SLC24A2: variants seen among roughly 807,000 people sequenced by gnomAD.
SLC24A2 encodes the protein solute carrier family 24 member 2.
Under a neutral mutation model 62.0 loss-of-function variants are expected in SLC24A2, and 36 were observed. The ratio of observed to expected loss-of-function variants is 0.58; its 90% CI spans 0.44 to 0.77. SLC24A2 has a LOEUF of 0.77. Ranked by LOEUF, SLC24A2 falls within the 30% of genes least tolerant of loss-of-function variation. SLC24A2 has a pLI of 0.00. For synonymous variants in SLC24A2, 358 were observed against 294.0 expected (o/e 1.22, Z -2.23); for missense variants, 846 against 817.9 (o/e 1.03, Z -0.42).
the SLC24A2 span, among the ~76,000 whole-genome samples, chr9:20,006,852 T>G: frequency 6.6e-6 from 1 of 152,162 alleles, no homozygotes; most frequent in Non-Finnish European, 1.5e-5. Flanking sequence ...TTGCTTAAGT[T>G]TTGCAAGCCT....
intron 2 of SLC24A2, among the ~76,000 whole-genome samples, chr9:19,779,858 G>C (rs1822958450): frequency 1.3e-5 from 2 of 152,062 alleles, no homozygotes; most frequent in African/African-American, 4.8e-5. Flanking sequence ...AGGAGATGGA[G>C]ACCACCCTGG....
intron 7 of SLC24A2, among the ~76,000 whole-genome samples, chr9:19,571,663 G>A (rs758379085): frequency 1.3e-5 from 2 of 152,194 alleles, no homozygotes; most frequent in Non-Finnish European, 2.9e-5. Context: ...CCTCCCCAGA[G>A]AATTTGTAAG....
intron 2 of SLC24A2, among the ~76,000 whole-genome samples, chr9:19,636,310 T>C (rs904680170): frequency 0.018 from 622 of 33,886 alleles, 46 homozygotes; most frequent in East Asian, 0.082. Flanking sequence ...TTTTCTTTTC[T>C]TTTCTTTTCT....
At chr9:19,812,145 G>T in the SLC24A2 span, among the ~76,000 whole-genome samples, 1 of 152,008 alleles carries the variant, frequency 6.6e-6, no homozygotes, top group Non-Finnish European at 1.5e-5. Flanking sequence ...TTTAATTGTT[G>T]TTATTGTTGT....
chr9:19,636,286 C>CTTCTCTTCTCTTCTTTTCTT (rs1564009444), intron 2 of SLC24A2, among the ~76,000 whole-genome samples: 1 of 88,086 alleles, frequency 1.1e-5, no homozygotes, highest in South Asian at 3.9e-4. Context: ...CTCTTCTTCT[C>CTTCTCTTCTCTTCTTTTCTT]TTCTTTTCTT....
the SLC24A2 span, among the ~76,000 whole-genome samples, chr9:20,087,174 T>C: frequency 1.8e-4 from 27 of 152,340 alleles, 1 homozygote; most frequent in African/African-American, 6.0e-4. Flanking sequence ...CATTAGTTCA[T>C]TCTGGTCCCA....
intron 2 of SLC24A2, among the ~76,000 whole-genome samples, chr9:19,723,812 T>G (rs555883172): frequency 3.3e-5 from 5 of 152,220 alleles, no homozygotes; most frequent in African/African-American, 1.2e-4. Context: ...AAAGTTTTTT[T>G]CTACATCATA....
chr9:19,840,155 A>G, the SLC24A2 span, among the ~76,000 whole-genome samples: 1 of 152,204 alleles, frequency 6.6e-6, no homozygotes. Flanking sequence ...AAGACTCTGC[A>G]TAGATGGTTA....
rs114606429 is a variant in SLC24A2, at chr9:19,599,554, A to G, written c.1079-2275T>C. Among the ~76,000 whole-genome samples, 2,130 of 152,284 alleles carry G rather than the reference A, an allele frequency of 0.014. 53 individuals are homozygous for G. The highest frequency in any genetic ancestry group is 0.049 in the African/African-American group (2,051 of 41,542). ...ATGGAGATGGAAACCAGCCTGCTAG[A>G]ATACGGTCTTTAGCACTAACAGCAA... On this transcript the variant is annotated intron_variant, in intron 4 of 10. Coordinates refer to ENST00000341998, the MANE Select transcript of SLC24A2 (RefSeq NM_020344.4). This position sits in a 1 kb window ranked among gnomAD's most constrained non-coding sequence, Gnocchi z 4.5.
the SLC24A2 span, among the ~76,000 whole-genome samples, chr9:19,973,352 C>T: frequency 6.6e-6 from 1 of 152,212 alleles, no homozygotes; most frequent in African/African-American, 2.4e-5. Flanking sequence ...AAATAAGAAA[C>T]ACATAAAATT....
chr9:20,136,738 G>C, the SLC24A2 span, among the ~76,000 whole-genome samples: 1 of 152,130 alleles, frequency 6.6e-6, no homozygotes, highest in African/African-American at 2.4e-5. Flanking sequence ...CAATGATTCA[G>C]AAAAGTAGTG....
intron 2 of SLC24A2, among the ~76,000 whole-genome samples, chr9:19,723,453 C>A (rs1490767283): frequency 6.6e-6 from 1 of 152,086 alleles, no homozygotes. Context: ...ACCATTCTAT[C>A]ATATTCCATT....
the SLC24A2 span, among the ~76,000 whole-genome samples, chr9:20,203,304 G>A: frequency 6.6e-6 from 1 of 152,082 alleles, no homozygotes; most frequent in Non-Finnish European, 1.5e-5. Context: ...TCTTTTTGTG[G>A]TGGTGGCAAT....
At chr9:20,012,156 C>A in the SLC24A2 span, among the ~76,000 whole-genome samples, 3 of 152,232 alleles carry the variant, frequency 2.0e-5, no homozygotes, top group Admixed American at 2.0e-4. Context: ...CTGTATTAGT[C>A]CATTTTCATG....
At chr9:19,782,647 T>A (rs1004560329) in intron 2 of SLC24A2, among the ~76,000 whole-genome samples, 2 of 152,206 alleles carry the variant, frequency 1.3e-5, no homozygotes, top group Non-Finnish European at 2.9e-5. Context: ...AACTCTTGAA[T>A]CTAAAATAAT....
the SLC24A2 span, among the ~76,000 whole-genome samples, chr9:20,216,742 A>T: frequency 6.6e-6 from 1 of 152,180 alleles, no homozygotes; most frequent in Non-Finnish European, 1.5e-5. Context: ...ATGCTTCTCA[A>T]TGAATGTTTT....
chr9:20,143,199 CA>C, the SLC24A2 span, among the ~76,000 whole-genome samples: 2 of 151,986 alleles, frequency 1.3e-5, no homozygotes, highest in Non-Finnish European at 2.9e-5. Flanking sequence ...AGAGAGTGCC[CA>C]AGAAGAGAAA....
rs944368793 is a variant in SLC24A2 at position 19,515,994 on chromosome 9, G to A, written c.*159C>T. The A allele has an allele frequency of 4.3e-5, 38 of 886,514 alleles. No homozygotes were observed. The highest frequency in any genetic ancestry group is 6.9e-5 in the Non-Finnish European group (37 of 534,452). 54.9% of individuals were successfully genotyped at this position (886,514 alleles called of 1,614,324 possible). On this transcript the variant is annotated 3_prime_UTR_variant, in exon 11 of 11. Coordinates refer to ENST00000341998, the MANE Select transcript of SLC24A2 (RefSeq NM_020344.4). Reference sequence around the variant, plus strand: ...GGTGGAAGCAGCCTGTGAAGTGAATGGGCCCAGTGTGAATCCATCTCTCCT... The same window carrying A: ...GGTGGAAGCAGCCTGTGAAGTGAATAGGCCCAGTGTGAATCCATCTCTCCT...
chr9:19,531,021 A>T (rs946016158), intron 8 of SLC24A2, among the ~76,000 whole-genome samples: 1 of 152,146 alleles, frequency 6.6e-6, no homozygotes, highest in African/African-American at 2.4e-5. Flanking sequence ...CATGATCATC[A>T]TACCAGGCTC....
Sources: gnomAD v4.1 joint callset for allele counts (sites outside exome capture counted in the v4.1 genomes callset) on GRCh38, gnomAD v4.1.1 for gene constraint, Gnocchi (gnomAD v3.1) non-coding constraint, MANE v1.5 for transcripts, NCBI Gene and HGNC (gene_info 2026-07-23, HGNC 2026-07-21) for gene names.